Variants in PTPRT observed in about 807,000 individuals in gnomAD.
PTPRT encodes receptor-type tyrosine-protein phosphatase T.
In PTPRT, 56 loss-of-function variants were observed where a neutral mutation model predicts 176.8. That is an observed-to-expected ratio of 0.32 (90% CI 0.26 to 0.40). PTPRT has a LOEUF of 0.40. Among genes scored for constraint, PTPRT ranks in the 10% least tolerant of loss-of-function variants. The pLI, the probability that PTPRT is intolerant of heterozygous loss-of-function variation, is 1.00. For synonymous variants in PTPRT, 783 were observed against 739.0 expected (o/e 1.06, Z -0.96); for missense variants, 1,540 against 1,908.2 (o/e 0.81, Z 3.60).
chr20:42,623,000 C>T (rs991385309), intron 7 of PTPRT, among the ~76,000 whole-genome samples: 7 of 152,144 alleles, frequency 4.6e-5, no homozygotes, highest in Non-Finnish European at 8.8e-5. Flanking sequence ...AAGAAATGCA[C>T]GGACGAATGG....
At chr20:42,520,494 T>C (rs2072151895) in intron 7 of PTPRT, among the ~76,000 whole-genome samples, 1 of 152,066 alleles carries the variant, frequency 6.6e-6, no homozygotes, top group South Asian at 2.1e-4. Context: ...TCTGTTTTGG[T>C]TGTATATTTT....
At chr20:42,063,682 T>G in the PTPRT span, 1 of 152,150 alleles carries the variant, frequency 6.6e-6, no homozygotes, top group East Asian at 1.9e-4. Flanking sequence ...TTGTTTTTAA[T>G]ACTTAGAGGA....
intron 6 of PTPRT, among the ~76,000 whole-genome samples, chr20:42,720,516 G>A (rs1337970458): frequency 3.3e-5 from 5 of 152,154 alleles, no homozygotes; most frequent in Non-Finnish European, 5.9e-5. Context: ...AAAGAAAAAG[G>A]GTCAAAGGCA....
At chr20:42,471,903 G>C (rs2071204454) in intron 8 of PTPRT, among the ~76,000 whole-genome samples, 1 of 152,014 alleles carries the variant, frequency 6.6e-6, no homozygotes. Flanking sequence ...CAATCCACCT[G>C]CCTCAGCCTC....
chr20:42,853,079 A>C (rs2078504027), intron 2 of PTPRT, among the ~76,000 whole-genome samples: 2 of 152,170 alleles, frequency 1.3e-5, no homozygotes, highest in South Asian at 4.1e-4. Context: ...AAAGAAGCTA[A>C]ATCTCAGGCA....
chr20:43,049,274 C>T (rs904332687), intron 1 of PTPRT, among the ~76,000 whole-genome samples: 6 of 152,014 alleles, frequency 3.9e-5, no homozygotes, highest in Admixed American at 3.3e-4. Context: ...TAAAGCAGAC[C>T]CAATTTATAT....
rs78931865 is a variant in PTPRT, at chr20:42,265,002, C to A, written c.2177-16180G>T. On this transcript the variant is annotated intron_variant, in intron 13 of 30. Coordinates refer to ENST00000373187, the MANE Select transcript of PTPRT (RefSeq NM_007050.6). ...CTCACTCTCTGGACCTCAATTTCCT[C>A]ATCTGTAAGATGGGTTAAGATCATT... is the stretch of plus-strand genomic sequence containing the variant. Among the ~76,000 whole-genome samples, 470 of 152,340 alleles carry A rather than the reference C, an allele frequency of 3.1e-3. 1 individual carries two copies. The highest frequency in any genetic ancestry group is 6.3e-3 in the Admixed American group (96 of 15,310).
At chr20:42,558,707 AT>A (rs1425467311) in intron 7 of PTPRT, among the ~76,000 whole-genome samples, 1 of 152,068 alleles carries the variant, frequency 6.6e-6, no homozygotes, top group Non-Finnish European at 1.5e-5. Flanking sequence ...GGATTTTCCG[AT>A]TCCCATCAGT....
intron 7 of PTPRT, among the ~76,000 whole-genome samples, chr20:42,627,868 C>T (rs2074323775): frequency 6.6e-6 from 1 of 152,040 alleles, no homozygotes; most frequent in Non-Finnish European, 1.5e-5. Flanking sequence ...CAGTTTGTTT[C>T]TAAGGATGAT....
chr20:42,838,017 G>A (rs887383410), intron 2 of PTPRT, among the ~76,000 whole-genome samples: 5 of 152,128 alleles, frequency 3.3e-5, no homozygotes, highest in African/African-American at 7.2e-5. Context: ...AGGCCCTCAC[G>A]TAAACTGTTT....
chr20:42,531,482 G>A (rs961986281), intron 7 of PTPRT, among the ~76,000 whole-genome samples: 2 of 152,182 alleles, frequency 1.3e-5, no homozygotes, highest in African/African-American at 2.4e-5. Context: ...GTTAGGCGAG[G>A]CCTTAATCAA....
In PTPRT at chr20:42,785,370, G is replaced by A. The variant is rs1220869671; in HGVS notation, c.487-5071C>T. Among the ~76,000 whole-genome samples the A allele has an allele frequency of 3.9e-5, 6 of 152,284 alleles. No homozygotes were observed. In the South Asian group the frequency reaches 6.2e-4, roughly 16 times the overall value. On this transcript the variant is annotated intron_variant, in intron 3 of 30. Coordinates refer to ENST00000373187, the MANE Select transcript of PTPRT (RefSeq NM_007050.6). ...AATTAATACATAAACCATCAGCTCC[G>A]AAGCCCAGTAATTTGTATTTAGCCC...
chr20:42,314,369 A>C (rs181999828), intron 12 of PTPRT, among the ~76,000 whole-genome samples: 1 of 151,990 alleles, frequency 6.6e-6, no homozygotes, highest in Non-Finnish European at 1.5e-5. Flanking sequence ...TCTACCAAAA[A>C]TACAAAAAAA....
intron 1 of PTPRT, among the ~76,000 whole-genome samples, chr20:43,164,355 G>A (rs1007965429): frequency 4.6e-5 from 7 of 152,192 alleles, no homozygotes; most frequent in Admixed American, 4.6e-4. Flanking sequence ...TTCTTTAAGT[G>A]CTTTCTCCCC....
intron 7 of PTPRT, among the ~76,000 whole-genome samples, chr20:42,555,271 T>C (rs1026714134): frequency 1.4e-4 from 22 of 152,276 alleles, no homozygotes; most frequent in African/African-American, 5.3e-4. Flanking sequence ...GTTTAATTAA[T>C]CAACTCAAAG....
chr20:42,043,246 C>T, the PTPRT span, among the ~76,000 whole-genome samples: 2 of 152,182 alleles, frequency 1.3e-5, no homozygotes, highest in African/African-American at 4.8e-5. Flanking sequence ...AAACAAAGCC[C>T]TTAGCTAGTT....
At chr20:43,086,209 C>G (rs778599709) in intron 1 of PTPRT, among the ~76,000 whole-genome samples, 8 of 152,152 alleles carry the variant, frequency 5.3e-5, no homozygotes, top group Non-Finnish European at 1.2e-4. Context: ...AAGGGCCAAC[C>G]AACCCGCTGT....
chr20:42,184,595 C>CTTCTTCTTCTTCTTCTTCTTCTTCTTCA (rs1990684333), intron 16 of PTPRT, among the ~76,000 whole-genome samples: 1 of 29,428 alleles, frequency 3.4e-5, no homozygotes, highest in Non-Finnish European at 8.8e-5. Context: ...CTTCTTCTTC[C>CTTCTTCTTCTTCTTCTTCTTCTTCTTCA]TCTTCTTCTT....
At chr20:42,322,140 C>T (rs1316465290) in intron 11 of PTPRT, among the ~76,000 whole-genome samples, 2 of 152,068 alleles carry the variant, frequency 1.3e-5, no homozygotes, top group Non-Finnish European at 2.9e-5. Flanking sequence ...ACATTCCATG[C>T]TCATGGGTAG....
Sources: gnomAD v4.1 joint callset for allele counts (sites outside exome capture counted in the v4.1 genomes callset) on GRCh38, gnomAD v4.1.1 for gene constraint, MANE v1.5 for transcripts, NCBI Gene and HGNC (gene_info 2026-07-23, HGNC 2026-07-21) for gene names.